The following KCNK2 variants were observed in gnomAD, a reference collection of about 807,000 sequenced individuals.
The protein encoded by KCNK2 is potassium two pore domain channel subfamily K member 2, also known as potassium channel subfamily K member 2.
A neutral mutation model predicts 40.5 loss-of-function variants in KCNK2; 21 were observed. The observed-to-expected ratio is 0.52, with a 90% CI of 0.37 to 0.75. The LOEUF is 0.75. KCNK2 is among the 30% of genes least tolerant of loss of function. The pLI is 0.00. For synonymous variants in KCNK2, 191 were observed against 202.2 expected (o/e 0.94, Z 0.47); for missense variants, 399 against 531.6 (o/e 0.75, Z 2.45).
intron 6 of KCNK2, among the ~76,000 whole-genome samples, chr1:215,204,177 C>T (rs184554848): frequency 6.7e-6 from 1 of 148,638 alleles, no homozygotes; most frequent in South Asian, 2.1e-4. Flanking sequence ...TTGAGGTAGA[C>T]CCTGTCTGGA....
intron 1 of KCNK2, among the ~76,000 whole-genome samples, chr1:215,058,683 C>T (rs1049034688): frequency 6.6e-6 from 1 of 152,142 alleles, no homozygotes; most frequent in Non-Finnish European, 1.5e-5. Context: ...GTTTACAAAG[C>T]CCTACATAAT....
At chr1:215,136,164 C>T (rs1383652242) in intron 3 of KCNK2, among the ~76,000 whole-genome samples, 4 of 152,070 alleles carry the variant, frequency 2.6e-5, no homozygotes, top group Admixed American at 6.6e-5. Flanking sequence ...AGCATGACCC[C>T]GGTTCACTTC....
chr1:215,048,660 T>G (rs571841475), intron 1 of KCNK2, among the ~76,000 whole-genome samples: 64 of 152,142 alleles, frequency 4.2e-4, no homozygotes, highest in Non-Finnish European at 8.1e-4. Flanking sequence ...CCAGAGTAAA[T>G]TGTATGCCCT....
At chr1:215,056,883 A>G (rs555641611) in intron 1 of KCNK2, among the ~76,000 whole-genome samples, 1 of 152,368 alleles carries the variant, frequency 6.6e-6, no homozygotes, top group East Asian at 1.9e-4. Context: ...ATAGAATAGG[A>G]ATATATGAGT....
At chr1:215,190,515 T>C in intron 5 of KCNK2, among the ~76,000 whole-genome samples, 1 of 152,304 alleles carries the variant, frequency 6.6e-6, no homozygotes, top group Non-Finnish European at 1.5e-5. Context: ...AAACTCTAGC[T>C]CTGCTACCCC....
upstream of KCNK2, among the ~76,000 whole-genome samples, chr1:215,082,488 C>T (rs1409703048): frequency 1.3e-5 from 2 of 152,024 alleles, no homozygotes; most frequent in South Asian, 2.1e-4. Context: ...GATGTGGATG[C>T]CAGACAGCGA....
At chr1:215,079,401 A>C (rs909869894), upstream of KCNK2, among the ~76,000 whole-genome samples, 3 of 152,226 alleles carry the variant, frequency 2.0e-5, no homozygotes, top group Admixed American at 6.5e-5. Flanking sequence ...AAGGGGAACC[A>C]GGCACATCTT....
chr1:215,159,491 G>A (rs1262296211), intron 3 of KCNK2, among the ~76,000 whole-genome samples: 5 of 152,044 alleles, frequency 3.3e-5, no homozygotes, highest in African/African-American at 1.2e-4. Flanking sequence ...GGACAGAGGC[G>A]GACGGTTATA....
At chr1:215,032,103 ATTTT>A (rs368295671) in intron 1 of KCNK2, among the ~76,000 whole-genome samples, 1 of 137,710 alleles carries the variant, frequency 7.3e-6, no homozygotes, top group Admixed American at 7.3e-5. Context: ...TCAATTAAGG[ATTTT>A]TTTTTTTTTT....
At chr1:215,166,823 C>T (rs1330748402) in intron 3 of KCNK2, among the ~76,000 whole-genome samples, 1 of 151,924 alleles carries the variant, frequency 6.6e-6, no homozygotes, top group Non-Finnish European at 1.5e-5. Context: ...GAGGATATGA[C>T]CAGGAATTTT....
Position 215,195,101 on chromosome 1 carries a change from TAAG to T in KCNK2, c.963+13_963+15del, listed in dbSNP as rs1558133392. ...AAAAGACAAAAGAAGAGGTGAGAAT[TAAG>T]AAGTGTGCAAAAAACTTCTATTTAG... On this transcript the variant is annotated intron_variant, in intron 6 of 6. Transcript: ENST00000444842. 6.3e-7 allele frequency: 1 copy of T among 1,584,260 alleles called. No individual in the cohort carries two copies. Among genetic ancestry groups the T allele is most frequent in the South Asian group, 1.2e-5 (1 of 85,314 alleles).
rs115400783 is a variant in KCNK2 at position 215,069,091 on chromosome 1, A to G, written c.35-17277A>G. Among the ~76,000 whole-genome samples, 517 of 152,322 alleles carry G rather than the reference A, an allele frequency of 3.4e-3. 1 individual carries two copies. Among genetic ancestry groups the G allele is most frequent in the Non-Finnish European group, 4.6e-3 (316 of 68,028 alleles). On this transcript the variant is annotated intron_variant, in intron 1 of 6. Transcript: ENST00000391895. ...TTTCAGATAGCAGCAGTACAAATGT[A>G]CTCAGGGAAATCTGAGTATGTCCAT...
chr1:215,195,112 CA>C lies in KCNK2; in HGVS notation c.963+26del, dbSNP rs758040576. 2 of 1,548,424 alleles carry C rather than the reference CA, an allele frequency of 1.3e-6. No individual in the cohort carries two copies. The highest frequency in any genetic ancestry group is 1.2e-5 in the South Asian group (1 of 81,022). ...GAAGAGGTGAGAATTAAGAAGTGTG[CA>C]AAAAACTTCTATTTAGTTAATTCAA... On this transcript the variant is annotated intron_variant, in intron 6 of 6. Transcript: ENST00000444842.
intron 2 of KCNK2, among the ~76,000 whole-genome samples, chr1:215,113,463 G>A (rs1660790553): frequency 6.6e-6 from 1 of 152,184 alleles, no homozygotes; most frequent in South Asian, 2.1e-4. Context: ...AGATAAGTAT[G>A]TATCTGATTC....
At chr1:215,144,046 A>G (rs896679840) in intron 3 of KCNK2, among the ~76,000 whole-genome samples, 13 of 152,186 alleles carry the variant, frequency 8.5e-5, no homozygotes, top group African/African-American at 2.2e-4. Flanking sequence ...AGTAAAGTAT[A>G]TCTGCCTTTA....
intron 1 of KCNK2, among the ~76,000 whole-genome samples, chr1:215,007,031 A>ATGTGTGTGTG (rs1346524192): frequency 1.3e-4 from 10 of 79,306 alleles, no homozygotes; most frequent in Middle Eastern, 6.0e-3. Flanking sequence ...ATATATATAT[A>ATGTGTGTGTG]TATATATGTG....
intron 1 of KCNK2, among the ~76,000 whole-genome samples, chr1:215,007,419 C>G (rs528992532): frequency 7.9e-5 from 12 of 151,190 alleles, no homozygotes; most frequent in Non-Finnish European, 1.2e-4. Context: ...AGGTGAAGAT[C>G]AAAAGGCTCT....
At chr1:215,155,072 GT>G (rs1300863436) in intron 3 of KCNK2, among the ~76,000 whole-genome samples, 1 of 151,972 alleles carries the variant, frequency 6.6e-6, no homozygotes, top group African/African-American at 2.4e-5. Context: ...TTACAGTCAT[GT>G]TTTTAAATAT....
intron 1 of KCNK2, among the ~76,000 whole-genome samples, chr1:215,026,483 TG>T (rs956989896): frequency 9.2e-5 from 14 of 151,998 alleles, no homozygotes; most frequent in African/African-American, 3.4e-4. Context: ...AATAGCGGCT[TG>T]GGGAGAAATT....
Sources: gnomAD v4.1 joint callset for allele counts (sites outside exome capture counted in the v4.1 genomes callset) on GRCh38, gnomAD v4.1.1 for gene constraint, MANE v1.5 for transcripts, NCBI Gene and HGNC (gene_info 2026-07-23, HGNC 2026-07-21) for gene names.